SHISA9: variants seen among roughly 807,000 people sequenced by gnomAD.
SHISA9 encodes shisa family member 9, also known as protein shisa-9.
SHISA9 carries 13 observed loss-of-function variants against 38.0 expected under a neutral mutation model. The ratio of observed to expected loss-of-function variants is 0.34; its 90% CI spans 0.22 to 0.54. SHISA9 has a LOEUF of 0.54. SHISA9 is among the 20% of genes least tolerant of loss of function. The pLI is 0.91. For synonymous variants in SHISA9, 275 were observed against 242.0 expected (o/e 1.14, Z -1.27); for missense variants, 538 against 575.8 (o/e 0.93, Z 0.67).
the SHISA9 span, among the ~76,000 whole-genome samples, chr16:13,421,819 C>A: frequency 6.6e-6 from 1 of 152,144 alleles, no homozygotes; most frequent in East Asian, 1.9e-4. Flanking sequence ...CTCATAAAAC[C>A]TCTTATGTGC....
rs530554197 is a variant in SHISA9 at position 13,179,919 on chromosome 16, T to G, written c.692-23475T>G. 3.9e-5 allele frequency among the ~76,000 whole-genome samples: 6 copies of G among 152,304 alleles called. No homozygotes were observed. The East Asian group carries it at 1.2e-3, about 29-fold the overall frequency. On this transcript the variant is annotated intron_variant, in intron 2 of 4. Coordinates refer to ENST00000558583, the MANE Select transcript of SHISA9 (RefSeq NM_001145204.3). The stretch of plus-strand genomic sequence containing the variant: ...TAAGTGGGACAAGACTGGAAATGTT[T>G]GTTTAGGGGCTGTTCCTTTAGGCTG...
chr16:13,503,514 G>T, the SHISA9 span, among the ~76,000 whole-genome samples: 1 of 152,114 alleles, frequency 6.6e-6, no homozygotes, highest in Non-Finnish European at 1.5e-5. Context: ...GGCTACTTGG[G>T]CTTCCTCCCA....
At chr16:13,402,134 C>T in the SHISA9 span, among the ~76,000 whole-genome samples, 1 of 150,896 alleles carries the variant, frequency 6.6e-6, no homozygotes, top group South Asian at 2.1e-4. Context: ...ATAGGATATA[C>T]ATAGATATAG....
chr16:13,053,735 G>A (rs116062943), intron 2 of SHISA9, among the ~76,000 whole-genome samples: 1 of 152,168 alleles, frequency 6.6e-6, no homozygotes, highest in Admixed American at 6.5e-5. Context: ...ATTCTGCCTG[G>A]AATGCTCCAC....
the SHISA9 span, among the ~76,000 whole-genome samples, chr16:13,315,533 C>G: frequency 6.6e-6 from 1 of 152,158 alleles, no homozygotes; most frequent in Non-Finnish European, 1.5e-5. Flanking sequence ...TGAAGTGTAG[C>G]TAAGAGCATG....
At chr16:13,415,273 T>C in the SHISA9 span, among the ~76,000 whole-genome samples, 10 of 152,188 alleles carry the variant, frequency 6.6e-5, no homozygotes, top group African/African-American at 2.2e-4. Flanking sequence ...AAGAATATCG[T>C]GTGCTTTGCA....
At chr16:13,088,606 TTGTC>T (rs1355351587) in intron 2 of SHISA9, among the ~76,000 whole-genome samples, 3 of 150,718 alleles carry the variant, frequency 2.0e-5, no homozygotes, top group Non-Finnish European at 4.5e-5. Context: ...CATGATTTGG[TTGTC>T]TGTCTGTTAA....
At chr16:13,027,033 A>G (rs981728456) in intron 2 of SHISA9, among the ~76,000 whole-genome samples, 3 of 152,132 alleles carry the variant, frequency 2.0e-5, no homozygotes, top group African/African-American at 7.2e-5. Context: ...GAGCTTGTTT[A>G]TACCTCCCTC....
intron 2 of SHISA9, among the ~76,000 whole-genome samples, chr16:13,062,048 G>A (rs1372420428): frequency 2.0e-5 from 3 of 152,168 alleles, no homozygotes; most frequent in Non-Finnish European, 2.9e-5. Context: ...TTCCAGCTCC[G>A]ATTATTTTTA....
chr16:13,171,608 T>C (rs2050687379), intron 2 of SHISA9, among the ~76,000 whole-genome samples: 1 of 151,404 alleles, frequency 6.6e-6, no homozygotes, highest in East Asian at 1.9e-4. Context: ...GGTTCTGCCC[T>C]GGGAGAGAAA....
At chr16:13,215,448 G>A (rs1435877281) in intron 4 of SHISA9, among the ~76,000 whole-genome samples, 1 of 152,170 alleles carries the variant, frequency 6.6e-6, no homozygotes, top group African/African-American at 2.4e-5. Flanking sequence ...GTATTCACAT[G>A]TCAAAGTCCA....
intron 2 of SHISA9, among the ~76,000 whole-genome samples, chr16:13,014,798 C>T (rs2072721784): frequency 6.6e-6 from 1 of 152,238 alleles, no homozygotes; most frequent in Admixed American, 6.5e-5. Flanking sequence ...CACAGTGGGA[C>T]TTTGTTCTTT....
At chr16:13,069,914 C>T (rs564543248) in intron 2 of SHISA9, among the ~76,000 whole-genome samples, 1 of 152,170 alleles carries the variant, frequency 6.6e-6, no homozygotes, top group East Asian at 1.9e-4. Flanking sequence ...CATCAGACAC[C>T]TAATCTGCCA....
At chr16:13,403,825 C>G in the SHISA9 span, among the ~76,000 whole-genome samples, 3 of 152,174 alleles carry the variant, frequency 2.0e-5, no homozygotes, top group African/African-American at 7.2e-5. Flanking sequence ...TTGGTACCAG[C>G]TGGCTATGGA....
At chr16:13,176,488 G>A (rs933839131) in intron 2 of SHISA9, among the ~76,000 whole-genome samples, 2 of 152,172 alleles carry the variant, frequency 1.3e-5, no homozygotes, top group African/African-American at 4.8e-5. Context: ...AATGCCTGAT[G>A]CCACCACTCT....
intron 2 of SHISA9, among the ~76,000 whole-genome samples, chr16:13,176,790 G>A (rs192999345): frequency 2.6e-5 from 4 of 152,100 alleles, no homozygotes; most frequent in Non-Finnish European, 4.4e-5. Context: ...AGGGTGGGCC[G>A]AAGCTCAAGA....
chr16:13,368,843 T>C, the SHISA9 span, among the ~76,000 whole-genome samples: 2 of 152,304 alleles, frequency 1.3e-5, no homozygotes, highest in South Asian at 4.1e-4. Context: ...TACTAATATG[T>C]AGCATATGAT....
At chr16:13,248,128 C>T in the SHISA9 span, among the ~76,000 whole-genome samples, 1 of 152,144 alleles carries the variant, frequency 6.6e-6, no homozygotes, top group Non-Finnish European at 1.5e-5. Context: ...TAAAGCCTTT[C>T]TCTTGGGTCT....
chr16:13,263,349 G>A, the SHISA9 span, among the ~76,000 whole-genome samples: 4 of 152,164 alleles, frequency 2.6e-5, no homozygotes, highest in Non-Finnish European at 4.4e-5. Flanking sequence ...GGTGGGAGGA[G>A]ACTGGATCAC....
Sources: allele counts gnomAD v4.1 joint callset (sites outside exome capture counted in the v4.1 genomes callset), GRCh38; gene constraint gnomAD v4.1.1; transcripts MANE v1.5; gene names NCBI Gene and HGNC (gene_info 2026-07-23, HGNC 2026-07-21).